AEBP2: variants seen among roughly 807,000 people sequenced by gnomAD.
AEBP2 encodes the protein zinc finger protein AEBP2.
AEBP2 carries 10 observed loss-of-function variants against 50.8 expected under a neutral mutation model. The ratio of observed to expected loss-of-function variants is 0.20; its 90% CI spans 0.12 to 0.33. AEBP2 has a LOEUF of 0.33. Among genes scored for constraint, AEBP2 ranks in the 10% least tolerant of loss-of-function variants. The probability of loss-of-function intolerance (pLI) is 1.00; values close to 1 mark genes in which losing one functional copy is unlikely to be tolerated. For missense variants in AEBP2, 570 were observed against 688.0 expected (o/e 0.83, Z 1.92); for synonymous variants, 296 against 261.3 (o/e 1.13, Z -1.28).
intron 5 of AEBP2, among the ~76,000 whole-genome samples, chr12:19,505,123 T>C (rs1025538767): frequency 6.6e-6 from 1 of 152,228 alleles, no homozygotes; most frequent in Non-Finnish European, 1.5e-5. Flanking sequence ...ATATGGCTGC[T>C]CTGGGGACTT....
At chr12:19,517,937 C>A in intron 7 of AEBP2, 150 bp from the exon 8 acceptor site, 1 of 664,914 alleles carries the variant, frequency 1.5e-6, no homozygotes, top group Non-Finnish European at 2.3e-6. Flanking sequence ...AAGTATAGAT[C>A]CATATGTATA....
At chr12:19,409,981 A>G (rs546550828) in intron 1 of AEBP2, among the ~76,000 whole-genome samples, 53 of 152,292 alleles carry the variant, frequency 3.5e-4, no homozygotes, top group African/African-American at 1.3e-3. Context: ...ATTGACTGGT[A>G]GCTAAAAATG....
intron 3 of AEBP2, among the ~76,000 whole-genome samples, chr12:19,482,042 ATTAC>A (rs1468082988): frequency 6.6e-6 from 1 of 152,182 alleles, no homozygotes; most frequent in Non-Finnish European, 1.5e-5. Flanking sequence ...TATTACCAGA[ATTAC>A]TTTTCTGGTT....
Position 19,453,244 on chromosome 12 carries a change from C to G in AEBP2, c.672-9266C>G, listed in dbSNP as rs534735787. On this transcript the variant is annotated intron_variant, in intron 1 of 7. Transcript: ENST00000266508. ...TCAGCCTCCCAAAGTGCTGGGATTA[C>G]AGGCGTGAGCCACCGTGCCCGGCCG... Among the ~76,000 whole-genome samples, 16 of 150,984 alleles carry G rather than the reference C, an allele frequency of 1.1e-4. No homozygotes were observed. The South Asian group carries it at 3.4e-3, about 32-fold the overall frequency.
intron 1 of AEBP2, among the ~76,000 whole-genome samples, chr12:19,419,488 C>T (rs1422833838): frequency 1.3e-5 from 2 of 152,102 alleles, no homozygotes; most frequent in East Asian, 3.9e-4. Context: ...ACTCAGGAGG[C>T]TGAGGCAGGA....
chr12:19,462,413 C>A, intron 1 of AEBP2, 97 bp from the exon 2 acceptor site: 1 of 998,760 alleles, frequency 1.0e-6, no homozygotes. Flanking sequence ...TCACATGGAG[C>A]AGAATGTCAA....
chr12:19,506,145 G>A (rs558202957), intron 5 of AEBP2, among the ~76,000 whole-genome samples: 151 of 151,566 alleles, frequency 1.0e-3, no homozygotes, highest in South Asian at 9.8e-3. Flanking sequence ...CACCCAGGCC[G>A]GAGTGCAGTG....
At chr12:19,460,731 A>G (rs1430505278) in intron 1 of AEBP2, among the ~76,000 whole-genome samples, 1 of 149,342 alleles carries the variant, frequency 6.7e-6, no homozygotes, top group East Asian at 2.0e-4. Flanking sequence ...CTCTGCTCAC[A>G]GCAGTCTCCG....
At chr12:19,495,533 A>G (rs747582509) in intron 4 of AEBP2, among the ~76,000 whole-genome samples, 4 of 149,194 alleles carry the variant, frequency 2.7e-5, no homozygotes, top group Non-Finnish European at 4.5e-5. Context: ...AAACTCTCTT[A>G]AATTTCATTC....
chr12:19,503,000 T>G (rs1407598695), intron 5 of AEBP2, among the ~76,000 whole-genome samples: 1 of 152,188 alleles, frequency 6.6e-6, no homozygotes, highest in Non-Finnish European at 1.5e-5. Flanking sequence ...TGTAGCCTTG[T>G]AGTGTAGTTT....
At chr12:19,430,739 A>C (rs1302238756) in intron 1 of AEBP2, among the ~76,000 whole-genome samples, 1 of 152,176 alleles carries the variant, frequency 6.6e-6, no homozygotes, top group Non-Finnish European at 1.5e-5. Flanking sequence ...CTTTGAAGCA[A>C]TTGTGAATGG....
intron 1 of AEBP2, chr12:19,457,112 T>C (rs1948282651): frequency 1.8e-5 from 29 of 1,600,796 alleles, no homozygotes; most frequent in Non-Finnish European, 2.4e-5. Flanking sequence ...ATTTAAGTGT[T>C]GACTTCCTTA....
chr12:19,439,749 T>A lies in AEBP2; in HGVS notation c.50T>A (p.Leu17Gln). 6.6e-7 allele frequency: 1 copy of A among 1,516,122 alleles called. No individual in the cohort carries two copies. The highest frequency in any genetic ancestry group is 8.8e-7 in the Non-Finnish European group (1 of 1,139,232). 93.9% of individuals were successfully genotyped at this position (1,516,122 alleles called of 1,614,324 possible). ...DMADLEELSRLSPLPPGSPGS... is the reference protein window; with the variant it reads ...DMADLEELSRQSPLPPGSPGS... ...GCCGACCTGGAGGAGCTCTCCCGCCTGAGCCCTCTGCCCCCCGGCAGCCCG... is the reference window on the plus strand; with the variant it reads ...GCCGACCTGGAGGAGCTCTCCCGCCAGAGCCCTCTGCCCCCCGGCAGCCCG... The change falls in exon 1 of 8, where the codon CTG (leucine) becomes CAG (glutamine). Residue 17 changes from leucine to glutamine, a missense_variant. Physicochemically the swap from Leu to Gln is moderately radical, Grantham distance 113. Around this residue, in one of 2 missense-constraint regions of AEBP2, gnomAD observed 386 missense variants for 336.8 expected, o/e 1.15. Coordinates refer to ENST00000266508, the MANE Select transcript of AEBP2 (RefSeq NM_153207.5).
intron 1 of AEBP2, chr12:19,413,552 T>C (rs1473240992): frequency 1.5e-6 from 1 of 687,950 alleles, no homozygotes; most frequent in Non-Finnish European, 2.6e-6. Context: ...ATTGTCTATA[T>C]GCCTTTTAAA....
chr12:19,494,866 C>T (rs1804434558), intron 4 of AEBP2, among the ~76,000 whole-genome samples: 1 of 152,088 alleles, frequency 6.6e-6, no homozygotes, highest in African/African-American at 2.4e-5. Flanking sequence ...TAGCTGGTCA[C>T]TGCTTCTTTG....
intron 1 of AEBP2, among the ~76,000 whole-genome samples, chr12:19,410,292 C>T (rs1189178758): frequency 1.3e-5 from 2 of 152,190 alleles, no homozygotes; most frequent in Non-Finnish European, 2.9e-5. Context: ...ATATGTGTAC[C>T]CTGGGGTTCA....
intron 5 of AEBP2, among the ~76,000 whole-genome samples, chr12:19,502,635 TG>T (rs905212694): frequency 1.3e-5 from 2 of 151,794 alleles, no homozygotes; most frequent in African/African-American, 4.8e-5. Context: ...CCTATTTCAT[TG>T]GTCTGTTTGT....
intron 3 of AEBP2, among the ~76,000 whole-genome samples, chr12:19,475,720 G>T (rs768161141): frequency 4.6e-5 from 7 of 152,106 alleles, no homozygotes; most frequent in Non-Finnish European, 1.0e-4. Flanking sequence ...CAGTGTAAAA[G>T]TGTTCCCTTT....
intron 1 of AEBP2, chr12:19,413,106 TC>T (rs2095740351): frequency 3.0e-6 from 2 of 661,778 alleles, no homozygotes; most frequent in African/African-American, 3.6e-5. Context: ...CGGGCCGAAT[TC>T]AGTTTTTCCG....
Sources: allele counts gnomAD v4.1 joint callset (sites outside exome capture counted in the v4.1 genomes callset), GRCh38; gene constraint gnomAD v4.1.1; regional missense constraint gnomAD v4.1.1; transcripts MANE v1.5; gene names NCBI Gene and HGNC (gene_info 2026-07-23, HGNC 2026-07-21).